FARP1: variants seen among roughly 807,000 people sequenced by gnomAD.
FARP1 encodes the protein FERM, ARH/RhoGEF and pleckstrin domain protein 1, also known as FERM, ARHGEF and pleckstrin domain-containing protein 1.
Under a neutral mutation model 128.8 loss-of-function variants are expected in FARP1, and 52 were observed. The ratio of observed to expected loss-of-function variants is 0.40; its 90% CI spans 0.32 to 0.51. FARP1 has a LOEUF of 0.51. FARP1 is among the 20% of genes least tolerant of loss of function. FARP1 has a pLI of 0.45. For missense variants in FARP1, 1,333 were observed against 1,367.9 expected (o/e 0.97, Z 0.40); for synonymous variants, 580 against 551.8 (o/e 1.05, Z -0.72).
chr13:98,268,140 G>A (rs9584791), intron 2 of FARP1, among the ~76,000 whole-genome samples: 62,871 of 151,798 alleles, frequency 0.41, 13,780 homozygotes, highest in African/African-American at 0.55. Flanking sequence ...TTGGGGACAT[G>A]TGAAAATGAC....
rs767646459 is a variant in FARP1 at position 98,440,033 on chromosome 13, G to A, written c.2506G>A (p.Val836Met). ...CCGGGGCCAGCGGCAGTCCATCATC[G>A]TGGCCGCCAGGTAACTCGGGAGCCC... ...TLRGQRQSII[V>M]AASSRSEMEK... Residue 836 changes from valine (V) to methionine (M), a missense_variant, in exon 22 of 27, where the codon GTG becomes ATG. Coordinates refer to ENST00000319562, the MANE Select transcript of FARP1 (RefSeq NM_005766.4). 43 of 1,606,756 alleles carry A rather than the reference G, an allele frequency of 2.7e-5. No individual in the cohort carries two copies. Among genetic ancestry groups the A allele is most frequent in the East Asian group, 1.1e-4 (5 of 44,704 alleles).
intron 2 of FARP1, among the ~76,000 whole-genome samples, chr13:98,253,927 T>C (rs1051191385): frequency 6.6e-5 from 10 of 152,194 alleles, no homozygotes; most frequent in African/African-American, 2.4e-4. Flanking sequence ...GCTTTCCATG[T>C]GGGGTTTGGA....
At chr13:98,424,759 G>A (rs1891716447) in intron 17 of FARP1, 109 bp downstream of exon 17, 1 of 770,960 alleles carries the variant, frequency 1.3e-6, no homozygotes, top group Non-Finnish European at 2.3e-6. Context: ...CACCTGATTT[G>A]ACTCTCTACA....
rs1366848411 is a variant in FARP1, at chr13:98,384,691, A to G, written c.497-39A>G. ...GAATATTGACAAACTGGGAAGTGTC[A>G]TTCCTACGTGACCTGTTTTTCTTTC... is the stretch of plus-strand genomic sequence containing the variant. On this transcript the variant is annotated intron_variant, in intron 6 of 26. Transcript: ENST00000319562. 3.1e-6 allele frequency: 4 copies of G among 1,275,484 alleles called. No individual in the cohort carries two copies. In the East Asian group the frequency reaches 9.3e-5, roughly 30 times the overall value. 79.0% of individuals were successfully genotyped at this position (1,275,484 alleles called of 1,614,324 possible).
At chr13:98,353,638 A>G (rs543124739) in intron 3 of FARP1, among the ~76,000 whole-genome samples, 2 of 152,162 alleles carry the variant, frequency 1.3e-5, no homozygotes, top group Non-Finnish European at 2.9e-5. Context: ...TCGGCCTCCC[A>G]AAGTGCTAGG....
At chr13:98,336,827 C>T (rs1316135352) in intron 2 of FARP1, among the ~76,000 whole-genome samples, 1 of 152,194 alleles carries the variant, frequency 6.6e-6, no homozygotes, top group Non-Finnish European at 1.5e-5. Context: ...ATTCAACTGC[C>T]TTTTAGAGCA....
At chr13:98,298,749 A>G (rs1288683139) in intron 2 of FARP1, among the ~76,000 whole-genome samples, 1 of 152,180 alleles carries the variant, frequency 6.6e-6, no homozygotes, top group Non-Finnish European at 1.5e-5. Context: ...TAGAGCATTA[A>G]AAAGGAGCTT....
At chr13:98,393,284 A>T (rs909428333) in intron 11 of FARP1, among the ~76,000 whole-genome samples, 1 of 152,218 alleles carries the variant, frequency 6.6e-6, no homozygotes, top group Non-Finnish European at 1.5e-5. Context: ...GTCAGACCAT[A>T]GCTTGCTATT....
intron 19 of FARP1, chr13:98,437,616 C>T (rs1181961745): frequency 2.5e-5 from 14 of 565,948 alleles, no homozygotes; most frequent in Non-Finnish European, 3.5e-5. Flanking sequence ...AACTCACTTG[C>T]GTTTTTCTAT....
intron 1 of FARP1, among the ~76,000 whole-genome samples, chr13:98,178,366 C>G (rs1878256913): frequency 6.6e-6 from 1 of 151,918 alleles, no homozygotes; most frequent in Non-Finnish European, 1.5e-5. Flanking sequence ...CAGCTAACTT[C>G]TGTGTTTTTA....
chr13:98,228,067 G>A (rs1396298399), intron 2 of FARP1, among the ~76,000 whole-genome samples: 1 of 152,158 alleles, frequency 6.6e-6, no homozygotes, highest in African/African-American at 2.4e-5. Flanking sequence ...ACTTAAAAAT[G>A]GCTAAAATGG....
chr13:98,426,979 C>G (rs1456327831), intron 17 of FARP1, among the ~76,000 whole-genome samples: 1 of 152,188 alleles, frequency 6.6e-6, no homozygotes, highest in East Asian at 1.9e-4. Flanking sequence ...CCCCTAAACA[C>G]ACAGTTTCCC....
chr13:98,158,923 G>T (rs143234596), intron 1 of FARP1, among the ~76,000 whole-genome samples: 76 of 152,284 alleles, frequency 5.0e-4, no homozygotes, highest in Non-Finnish European at 8.4e-4. Context: ...TCCTTGGAGA[G>T]CTAGGAAAGC....
intron 2 of FARP1, among the ~76,000 whole-genome samples, chr13:98,320,585 T>G (rs1886946714): frequency 6.6e-6 from 1 of 152,226 alleles, no homozygotes; most frequent in East Asian, 1.9e-4. Flanking sequence ...TGAACAGATT[T>G]AACTTGCTTT....
intron 5 of FARP1, among the ~76,000 whole-genome samples, chr13:98,377,305 A>AC (rs1889629853): frequency 1.3e-5 from 2 of 151,978 alleles, no homozygotes; most frequent in South Asian, 4.2e-4. Flanking sequence ...TGTCTCAAAA[A>AC]AAAAAAAAAG....
chr13:98,143,672 G>A (rs1287652754), intron 1 of FARP1, among the ~76,000 whole-genome samples, 180 bp downstream of exon 1: 1 of 151,362 alleles, frequency 6.6e-6, no homozygotes, highest in South Asian at 2.1e-4. Flanking sequence ...GGTCGGGCCC[G>A]GGCAGCCCCG....
At chr13:98,302,207 C>T (rs1885954152) in intron 2 of FARP1, among the ~76,000 whole-genome samples, 1 of 152,206 alleles carries the variant, frequency 6.6e-6, no homozygotes. Flanking sequence ...AATCAAACCT[C>T]CAGAATAATG....
intron 1 of FARP1, among the ~76,000 whole-genome samples, chr13:98,149,419 TGTG>T (rs2139083278): frequency 6.6e-6 from 1 of 152,252 alleles, no homozygotes; most frequent in Non-Finnish European, 1.5e-5. Context: ...TGTGAACATT[TGTG>T]AACAAATCTT....
At chr13:98,321,613 A>C (rs1199051680) in intron 2 of FARP1, among the ~76,000 whole-genome samples, 2 of 152,214 alleles carry the variant, frequency 1.3e-5, no homozygotes, top group Non-Finnish European at 2.9e-5. Flanking sequence ...TTTAATATGG[A>C]GGCAGAGACA....
Sources: gnomAD v4.1 joint callset for allele counts (sites outside exome capture counted in the v4.1 genomes callset) on GRCh38, gnomAD v4.1.1 for gene constraint, MANE v1.5 for transcripts, NCBI Gene and HGNC (gene_info 2026-07-23, HGNC 2026-07-21) for gene names.